Variants in DTNA observed in about 807,000 individuals in gnomAD.
DTNA encodes dystrophin-related protein 3.
In DTNA, 43 loss-of-function variants were observed where a neutral mutation model predicts 100.7. The ratio of observed to expected loss-of-function variants is 0.43; its 90% confidence interval spans 0.33 to 0.55. The LOEUF (loss-of-function observed/expected upper bound fraction) is 0.55, where lower values mean the gene tolerates loss of function less well. DTNA is among the 20% of genes least tolerant of loss of function. DTNA has a pLI of 0.04. For missense variants in DTNA, 798 were observed against 953.9 expected (o/e 0.84, Z 2.15); for synonymous variants, 349 against 347.9 (o/e 1.00, Z -0.04).
At chr18:34,855,621 C>G (rs141508650) in intron 15 of DTNA, among the ~76,000 whole-genome samples, 2 of 152,144 alleles carry the variant, frequency 1.3e-5, no homozygotes, top group South Asian at 4.2e-4. Context: ...CCATCTGTCC[C>G]GATATAAAGA....
intron 1 of DTNA, among the ~76,000 whole-genome samples, chr18:34,556,742 T>G (rs2046100370): frequency 6.6e-6 from 1 of 152,236 alleles, no homozygotes; most frequent in African/African-American, 2.4e-5. Flanking sequence ...AGAGATCCAC[T>G]GTTAGTCTGA....
At chr18:34,769,518 T>C (rs937598097) in intron 3 of DTNA, among the ~76,000 whole-genome samples, 2 of 152,052 alleles carry the variant, frequency 1.3e-5, no homozygotes, top group African/African-American at 2.4e-5. Context: ...CATTTTTTTA[T>C]TGGAAAGTGT....
chr18:34,886,413 A>T (rs1040347660), intron 22 of DTNA, among the ~76,000 whole-genome samples: 2 of 152,010 alleles, frequency 1.3e-5, no homozygotes, highest in African/African-American at 4.8e-5. Flanking sequence ...GAAAATATTC[A>T]CTCCAGTTAT....
intron 1 of DTNA, among the ~76,000 whole-genome samples, chr18:34,499,847 T>C (rs1196965654): frequency 6.6e-6 from 1 of 152,240 alleles, no homozygotes; most frequent in Non-Finnish European, 1.5e-5. Flanking sequence ...GAGAATTCTT[T>C]ATATATTCTC....
Position 34,760,958 on chromosome 18 carries a change from C to G in DTNA, c.67+4915C>G, listed in dbSNP as rs140046898. ...TTAGCCCAAAACTATCTTCACCCAT[C>G]AACAAACCTATTCCTCCCTGTTTGT... On this transcript the variant is annotated intron_variant, in intron 2 of 22. Coordinates refer to ENST00000444659, the MANE Select transcript of DTNA (RefSeq NM_001386795.1). 2.8e-4 allele frequency among the ~76,000 whole-genome samples: 43 copies of G among 152,294 alleles called. No homozygotes were observed. The East Asian group carries it at 7.9e-3, about 28-fold the overall frequency.
chr18:34,767,459 G>A (rs1174660296), intron 3 of DTNA: 10 of 152,090 alleles, frequency 6.6e-5, no homozygotes. Context: ...AATATAAGTA[G>A]GTTGTCTTAT....
chr18:34,833,422 G>C (rs544805633), intron 11 of DTNA, among the ~76,000 whole-genome samples: 1 of 152,022 alleles, frequency 6.6e-6, no homozygotes, highest in Admixed American at 6.6e-5. Flanking sequence ...GTGTGTGTGT[G>C]TGTGTGTGTG....
At chr18:34,788,109 C>G (rs1345367378) in intron 3 of DTNA, among the ~76,000 whole-genome samples, 1 of 152,142 alleles carries the variant, frequency 6.6e-6, no homozygotes, top group African/African-American at 2.4e-5. Context: ...GGTTTGATAG[C>G]TATTTAGTAA....
intron 3 of DTNA, among the ~76,000 whole-genome samples, chr18:34,771,493 CCTT>C (rs948805638): frequency 2.0e-5 from 3 of 152,098 alleles, no homozygotes; most frequent in African/African-American, 4.8e-5. Flanking sequence ...GAGTGAGACT[CCTT>C]CTCAAAAACA....
chr18:34,784,011 G>A (rs1031717047), intron 3 of DTNA, among the ~76,000 whole-genome samples: 3 of 152,102 alleles, frequency 2.0e-5, no homozygotes, highest in African/African-American at 4.8e-5. Context: ...GTGCTCCATA[G>A]CAGTGGTTCT....
rs983984681 is a variant in DTNA, at chr18:34,889,031, T to C, written c.*1297T>C. 8 of 985,706 alleles carry C rather than the reference T, an allele frequency of 8.1e-6. No individual in the cohort carries two copies. Among genetic ancestry groups the C allele is most frequent in the Middle Eastern group, 5.2e-4 (1 of 1,936 alleles). The allele number at this position is 985,706 out of a possible 1,614,324, so 61.1% of individuals were successfully genotyped here. A position where few individuals can be genotyped will look rare whatever the true frequency, so the allele number is the denominator to read the frequency against. On this transcript the variant is annotated 3_prime_UTR_variant, in exon 23 of 23. Coordinates refer to ENST00000444659, the MANE Select transcript of DTNA (RefSeq NM_001386795.1). Reference sequence around the variant, plus strand: ...AAGACAAGAGGATAAAAGACTGGGATAGTCTTTTCCAAGGACCCTCTTTAG... The same window carrying C: ...AAGACAAGAGGATAAAAGACTGGGACAGTCTTTTCCAAGGACCCTCTTTAG...
chr18:34,667,223 T>G (rs1043340762), intron 1 of DTNA, among the ~76,000 whole-genome samples: 1 of 152,242 alleles, frequency 6.6e-6, no homozygotes, highest in African/African-American at 2.4e-5. Flanking sequence ...GGCTCTCTGT[T>G]TGTCTGTTAT....
chr18:34,849,048 C>A (rs960280360), intron 14 of DTNA, among the ~76,000 whole-genome samples: 8 of 152,164 alleles, frequency 5.3e-5, no homozygotes, highest in African/African-American at 1.9e-4. Flanking sequence ...TGCATTAGCC[C>A]TGGCAGTTGC....
At chr18:34,677,374 T>C (rs1371268174) in intron 1 of DTNA, among the ~76,000 whole-genome samples, 1 of 152,022 alleles carries the variant, frequency 6.6e-6, no homozygotes, top group East Asian at 1.9e-4. Context: ...AAAAGAAATA[T>C]GCAAGTCATC....
intron 16 of DTNA, among the ~76,000 whole-genome samples, chr18:34,860,793 A>G (rs1035143524): frequency 5.9e-5 from 9 of 152,208 alleles, no homozygotes; most frequent in Non-Finnish European, 1.3e-4. Flanking sequence ...AATGATAGGC[A>G]TTTCTATGTG....
chr18:34,874,641 C>A (rs2096797403), intron 17 of DTNA, among the ~76,000 whole-genome samples: 1 of 143,460 alleles, frequency 7.0e-6, no homozygotes, highest in Non-Finnish European at 1.5e-5. Context: ...AAGGTTTCTT[C>A]TTCTTCTTCT....
intron 16 of DTNA, among the ~76,000 whole-genome samples, chr18:34,863,383 A>G (rs1299490748): frequency 6.6e-6 from 1 of 152,238 alleles, no homozygotes; most frequent in Non-Finnish European, 1.5e-5. Context: ...GTATGTAGAA[A>G]TGCCTTTATT....
intron 1 of DTNA, among the ~76,000 whole-genome samples, chr18:34,494,792 T>C (rs1212275780): frequency 2.0e-5 from 3 of 152,226 alleles, no homozygotes; most frequent in Admixed American, 6.5e-5. Flanking sequence ...CTGTTATATG[T>C]CATCACTTGG....
At chr18:34,744,372 A>T (rs1204002145) in intron 1 of DTNA, among the ~76,000 whole-genome samples, 1 of 152,144 alleles carries the variant, frequency 6.6e-6, no homozygotes, top group Non-Finnish European at 1.5e-5. Flanking sequence ...CCACTGTTGG[A>T]TTCACACATC....
Sources: allele counts gnomAD v4.1 joint callset (sites outside exome capture counted in the v4.1 genomes callset), GRCh38; gene constraint gnomAD v4.1.1; transcripts MANE v1.5; gene names NCBI Gene and HGNC (gene_info 2026-07-23, HGNC 2026-07-21).